EPHA6: variants seen among roughly 807,000 people sequenced by gnomAD.
EPHA6 encodes the protein EPH receptor A6.
In EPHA6, 50 loss-of-function variants were observed where a neutral mutation model predicts 112.0. The observed-to-expected ratio is 0.45, with a 90% CI of 0.36 to 0.56. EPHA6 has a LOEUF of 0.56. Among genes scored for constraint, EPHA6 ranks in the 20% least tolerant of loss-of-function variants. The pLI is 0.00. For missense variants in EPHA6, 1,280 were observed against 1,417.4 expected (o/e 0.90, Z 1.56); for synonymous variants, 529 against 490.7 (o/e 1.08, Z -1.03).
At chr3:96,826,587 A>C (rs939433491) in intron 1 of EPHA6, among the ~76,000 whole-genome samples, 2 of 152,130 alleles carry the variant, frequency 1.3e-5, no homozygotes, top group Admixed American at 1.3e-4. Flanking sequence ...AAGGTAGGGG[A>C]TATTTTATGT....
intron 3 of EPHA6, among the ~76,000 whole-genome samples, chr3:97,166,413 T>A (rs1484895362): frequency 6.6e-6 from 1 of 151,378 alleles, no homozygotes; most frequent in East Asian, 1.9e-4. Context: ...GCTTCTATGA[T>A]GTTGGGGGGT....
chr3:97,189,813 C>A (rs977721080), intron 3 of EPHA6, among the ~76,000 whole-genome samples: 1 of 152,030 alleles, frequency 6.6e-6, no homozygotes, highest in Admixed American at 6.6e-5. Context: ...ACCAAATAAA[C>A]CATTTCTACT....
In EPHA6 at chr3:97,588,400, A is replaced by G. The variant is rs188956477; in HGVS notation, c.2387-4212A>G. Among the ~76,000 whole-genome samples, 12 of 152,310 alleles carry G rather than the reference A, an allele frequency of 7.9e-5. No homozygotes were observed. The East Asian group carries it at 2.1e-3, about 27-fold the overall frequency. On this transcript the variant is annotated intron_variant, in intron 11 of 17. Coordinates refer to ENST00000389672, the MANE Select transcript of EPHA6 (RefSeq NM_001080448.3). ...AAGTCAGTGTATCTATTGTCTACTTATAGATCTTAATGTGTATTTGCAAAA... is the reference window on the plus strand; with the variant it reads ...AAGTCAGTGTATCTATTGTCTACTTGTAGATCTTAATGTGTATTTGCAAAA...
chr3:97,327,885 GTA>G (rs961311342), intron 5 of EPHA6, among the ~76,000 whole-genome samples: 4 of 146,688 alleles, frequency 2.7e-5, no homozygotes, highest in Admixed American at 7.0e-5. Context: ...GTATATGTGT[GTA>G]TATATATGTA....
At chr3:97,063,762 A>T (rs1250782316) in intron 3 of EPHA6, among the ~76,000 whole-genome samples, 2 of 152,144 alleles carry the variant, frequency 1.3e-5, no homozygotes, top group African/African-American at 2.4e-5. Flanking sequence ...TTAAATAATT[A>T]AAAAAAGAAA....
chr3:97,641,071 T>C (rs1202910355), intron 14 of EPHA6, among the ~76,000 whole-genome samples: 1 of 152,092 alleles, frequency 6.6e-6, no homozygotes, highest in Non-Finnish European at 1.5e-5. Flanking sequence ...GAACAACTGG[T>C]TAAATGGAGA....
chr3:97,390,455 T>C (rs2086334799), intron 5 of EPHA6, among the ~76,000 whole-genome samples: 1 of 151,320 alleles, frequency 6.6e-6, no homozygotes, highest in Non-Finnish European at 1.5e-5. Context: ...ATTTCATATA[T>C]ATATATTATA....
chr3:97,281,171 C>T (rs905206766), intron 5 of EPHA6, among the ~76,000 whole-genome samples: 2 of 151,014 alleles, frequency 1.3e-5, no homozygotes, highest in Non-Finnish European at 2.9e-5. Flanking sequence ...AAGCTATGAC[C>T]GGAATTGCAA....
chr3:97,135,874 A>G (rs957019432), intron 3 of EPHA6, among the ~76,000 whole-genome samples: 1 of 152,108 alleles, frequency 6.6e-6, no homozygotes, highest in Non-Finnish European at 1.5e-5. Context: ...ACACACACAC[A>G]CACGCACCAG....
intron 11 of EPHA6, among the ~76,000 whole-genome samples, chr3:97,558,133 C>CTTTCT (rs2093139175): frequency 6.6e-6 from 1 of 151,902 alleles, no homozygotes; most frequent in African/African-American, 2.4e-5. Flanking sequence ...AGTGTTGAAC[C>CTTTCT]TTTCTACTGA....
At chr3:97,324,867 A>G (rs1005349344) in intron 5 of EPHA6, among the ~76,000 whole-genome samples, 1 of 152,084 alleles carries the variant, frequency 6.6e-6, no homozygotes, top group East Asian at 1.9e-4. Context: ...AAAGAAAAAT[A>G]TATGATGAAT....
At chr3:97,595,992 G>A (rs1016818602) in intron 12 of EPHA6, among the ~76,000 whole-genome samples, 3 of 141,600 alleles carry the variant, frequency 2.1e-5, no homozygotes, top group Admixed American at 7.8e-5. Context: ...TGCAAGCTTC[G>A]CCTCCCGGGT....
intron 1 of EPHA6, among the ~76,000 whole-genome samples, chr3:96,817,355 A>G (rs191068128): frequency 8.5e-4 from 129 of 152,024 alleles, no homozygotes; most frequent in Admixed American, 2.5e-3. Context: ...CATTTTAGGG[A>G]TATTTTCCTT....
At chr3:96,938,615 A>G (rs28882993) in intron 2 of EPHA6, among the ~76,000 whole-genome samples, 3 of 151,770 alleles carry the variant, frequency 2.0e-5, no homozygotes, top group East Asian at 1.9e-4. Flanking sequence ...TTTCCTGCCT[A>G]ATTGCCCTGG....
chr3:97,351,089 A>G (rs1227721838), intron 5 of EPHA6, among the ~76,000 whole-genome samples: 1 of 152,162 alleles, frequency 6.6e-6, no homozygotes, highest in Non-Finnish European at 1.5e-5. Flanking sequence ...AACACGCTCC[A>G]TATGTTCATA....
chr3:97,411,288 G>A (rs2087698149), intron 6 of EPHA6, among the ~76,000 whole-genome samples: 1 of 151,972 alleles, frequency 6.6e-6, no homozygotes, highest in African/African-American at 2.4e-5. Flanking sequence ...CTGGAGCAGA[G>A]ATTCTCATGG....
chr3:97,191,102 T>A (rs951957684), intron 3 of EPHA6, among the ~76,000 whole-genome samples: 2 of 152,058 alleles, frequency 1.3e-5, no homozygotes, highest in Admixed American at 6.6e-5. Context: ...CTTAACTGCT[T>A]AGAATAATTT....
At chr3:97,656,679 C>T (rs2094139795) in intron 14 of EPHA6, among the ~76,000 whole-genome samples, 2 of 151,888 alleles carry the variant, frequency 1.3e-5, no homozygotes, top group Admixed American at 6.6e-5. Flanking sequence ...CAAACCTTTG[C>T]AGTCATGATT....
chr3:97,202,476 T>A lies in EPHA6; in HGVS notation c.1115-23788T>A, dbSNP rs1036464084. Among the ~76,000 whole-genome samples, 6 of 151,966 alleles carry A rather than the reference T, an allele frequency of 3.9e-5. No individual in the cohort carries two copies. In the East Asian group the frequency reaches 1.2e-3, roughly 30 times the overall value. On this transcript the variant is annotated intron_variant, in intron 3 of 17. Coordinates refer to ENST00000389672, the MANE Select transcript of EPHA6 (RefSeq NM_001080448.3). Reference sequence around the variant, plus strand: ...TCTCCATGGTACCTGAGATTATAGGTACCTGCCTCCATGCCCGGCTAGGTT... The same window carrying A: ...TCTCCATGGTACCTGAGATTATAGGAACCTGCCTCCATGCCCGGCTAGGTT...
Sources: allele counts gnomAD v4.1 joint callset (sites outside exome capture counted in the v4.1 genomes callset), GRCh38; gene constraint gnomAD v4.1.1; transcripts MANE v1.5; gene names NCBI Gene and HGNC (gene_info 2026-07-23, HGNC 2026-07-21).